Variants in MDGA2 observed in about 807,000 individuals in gnomAD.
MDGA2 encodes MAM domain containing glycosylphosphatidylinositol anchor 2, also known as MAM domain-containing glycosylphosphatidylinositol anchor protein 2.
In MDGA2, 40 loss-of-function variants were observed where a neutral mutation model predicts 117.8. The ratio of observed to expected loss-of-function variants is 0.34; its 90% CI spans 0.26 to 0.44. MDGA2 has a LOEUF of 0.44. MDGA2 is among the 20% of genes least tolerant of loss of function. The pLI, the probability that MDGA2 is intolerant of heterozygous loss-of-function variation, is 1.00. For missense variants in MDGA2, 1,123 were observed against 1,250.6 expected, an observed-to-expected ratio of 0.90 and a Z score of 1.54; for synonymous variants, 452 against 439.0, an observed-to-expected ratio of 1.03 and a Z score of -0.37.
At chr14:47,560,143 C>G (rs1451822001) in intron 1 of MDGA2, among the ~76,000 whole-genome samples, 1 of 151,552 alleles carries the variant, frequency 6.6e-6, no homozygotes, top group African/African-American at 2.4e-5. Context: ...TCTCGGGTCA[C>G]TGCAAGCTCC....
At chr14:47,018,743 A>G in intron 8 of MDGA2, among the ~76,000 whole-genome samples, 1 of 111,206 alleles carries the variant, frequency 9.0e-6, no homozygotes, top group South Asian at 4.3e-4. Context: ...GAAAAAAAAA[A>G]AAAAAAAAAA....
intron 1 of MDGA2, among the ~76,000 whole-genome samples, chr14:47,655,606 C>A (rs1897727732): frequency 6.6e-6 from 1 of 152,054 alleles, no homozygotes; most frequent in African/African-American, 2.4e-5. Flanking sequence ...GAAAGACAAT[C>A]TTTCCAAAGA....
intron 1 of MDGA2, among the ~76,000 whole-genome samples, chr14:47,529,587 ATC>A (rs937133045): frequency 5.3e-5 from 8 of 152,152 alleles, no homozygotes; most frequent in South Asian, 2.1e-4. Context: ...AAAATTAAAA[ATC>A]TCTCTTTCTA....
At chr14:47,330,305 T>C (rs915363734) in intron 1 of MDGA2, among the ~76,000 whole-genome samples, 5 of 151,968 alleles carry the variant, frequency 3.3e-5, no homozygotes, top group African/African-American at 4.8e-5. Context: ...ATTTTAGATA[T>C]ATTAACCTAT....
chr14:47,289,699 T>C (rs1389067957), intron 2 of MDGA2, among the ~76,000 whole-genome samples: 1 of 152,154 alleles, frequency 6.6e-6, no homozygotes, highest in East Asian at 1.9e-4. Flanking sequence ...TGTTGACAGA[T>C]GGTATTTCTT....
intron 3 of MDGA2, among the ~76,000 whole-genome samples, chr14:47,148,786 T>C (rs76839243): frequency 0.028 from 4,265 of 152,250 alleles, 175 homozygotes; most frequent in African/African-American, 0.097. Context: ...GAAAATTGCC[T>C]CAGGTACAGA....
At chr14:47,061,694 A>T (rs1296210363) in intron 6 of MDGA2, 116 bp from the exon 7 acceptor site, 1 of 848,840 alleles carries the variant, frequency 1.2e-6, no homozygotes, top group Non-Finnish European at 1.8e-6. Context: ...AAGTGTACAT[A>T]TATTTCTTTT....
chr14:47,064,989 C>G (rs1204598713), intron 6 of MDGA2, among the ~76,000 whole-genome samples: 2 of 152,042 alleles, frequency 1.3e-5, no homozygotes, highest in Admixed American at 6.6e-5. Context: ...GCAGAAATCC[C>G]TTTCCCCAAA....
At chr14:47,148,476 G>A (rs1883034233) in intron 3 of MDGA2, among the ~76,000 whole-genome samples, 1 of 152,092 alleles carries the variant, frequency 6.6e-6, no homozygotes, top group Non-Finnish European at 1.5e-5. Flanking sequence ...CTCTCTAAAA[G>A]GCCATTCTAT....
intron 1 of MDGA2, among the ~76,000 whole-genome samples, chr14:47,347,595 A>T (rs1389372985): frequency 1.3e-5 from 2 of 152,196 alleles, no homozygotes; most frequent in East Asian, 3.9e-4. Context: ...GGTTTTGGAA[A>T]ATTGTTTGTT....
chr14:47,131,570 C>G (rs917778090), intron 5 of MDGA2, 144 bp downstream of exon 5: 1 of 532,980 alleles, frequency 1.9e-6, no homozygotes, highest in African/African-American at 1.9e-5. Context: ...TGAAGCTTTT[C>G]AGATATCCCA....
chr14:47,661,401 G>A (rs987280232), intron 1 of MDGA2, among the ~76,000 whole-genome samples: 1 of 152,084 alleles, frequency 6.6e-6, no homozygotes, highest in Non-Finnish European at 1.5e-5. Context: ...ATTATTTTAT[G>A]AAAAATTACT....
chr14:46,900,401 T>G (rs1221845148), intron 10 of MDGA2, among the ~76,000 whole-genome samples: 3 of 152,164 alleles, frequency 2.0e-5, no homozygotes, highest in Admixed American at 2.0e-4. Context: ...CACAGGAACT[T>G]GTACATGAAT....
intron 2 of MDGA2, among the ~76,000 whole-genome samples, chr14:47,285,282 T>C (rs1888633148): frequency 6.6e-6 from 1 of 152,174 alleles, no homozygotes; most frequent in Admixed American, 6.6e-5. Flanking sequence ...TGAAGTTGAA[T>C]GTTTTAGCAT....
rs568685484 is a variant in MDGA2 at position 47,103,086 on chromosome 14, G to C, written c.926-5963C>G. On this transcript the variant is annotated intron_variant, in intron 5 of 16. Transcript: ENST00000399232. ...ATGAGAGCACAGTATGAATTTAAGA[G>C]AGACGAGGTAAAAATACACAATTAA... 2.6e-5 allele frequency among the ~76,000 whole-genome samples: 4 copies of C among 152,308 alleles called. No homozygotes were observed. The East Asian group carries it at 7.7e-4, about 29-fold the overall frequency.
intron 2 of MDGA2, among the ~76,000 whole-genome samples, chr14:47,293,058 T>A (rs1375022785): frequency 2.0e-5 from 3 of 152,110 alleles, no homozygotes; most frequent in East Asian, 3.9e-4. Flanking sequence ...TATGGTAGCA[T>A]CTCCTACTAC....
At chr14:46,880,237 T>C (rs1301627533) in intron 11 of MDGA2, among the ~76,000 whole-genome samples, 1 of 151,454 alleles carries the variant, frequency 6.6e-6, no homozygotes, top group East Asian at 2.0e-4. Flanking sequence ...AGGCAGGAGA[T>C]TCACTTGAAC....
chr14:47,554,774 A>G (rs1434944799), intron 1 of MDGA2, among the ~76,000 whole-genome samples: 1 of 152,220 alleles, frequency 6.6e-6, no homozygotes, highest in East Asian at 1.9e-4. Flanking sequence ...CTTAGAATAC[A>G]GAGTCTTTAC....
intron 9 of MDGA2, among the ~76,000 whole-genome samples, chr14:46,929,619 A>G (rs1473032368): frequency 0.037 from 823 of 22,246 alleles, 48 homozygotes; most frequent in African/African-American, 0.11. Context: ...ATATATATAT[A>G]TATATATATA....
Sources: allele counts gnomAD v4.1 joint callset (sites outside exome capture counted in the v4.1 genomes callset), GRCh38; gene constraint gnomAD v4.1.1; transcripts MANE v1.5; gene names NCBI Gene and HGNC (gene_info 2026-07-23, HGNC 2026-07-21).